ESRRA: variants seen among roughly 807,000 people sequenced by gnomAD.
ESRRA encodes the protein estrogen related receptor alpha, also known as steroid hormone receptor ERR1.
Under a neutral mutation model 35.6 loss-of-function variants are expected in ESRRA, and 7 were observed. That is an observed-to-expected ratio of 0.20 (90% CI 0.11 to 0.37). The LOEUF is 0.37. Among genes scored for constraint, ESRRA ranks in the 10% least tolerant of loss-of-function variants. The pLI is 1.00. For missense variants in ESRRA, 378 were observed against 561.7 expected (o/e 0.67, Z 3.31); for synonymous variants, 223 against 246.9 (o/e 0.90, Z 0.91).
chr11:64,308,510 G>A (rs1235739303), intron 2 of ESRRA, among the ~76,000 whole-genome samples: 13 of 117,024 alleles, frequency 1.1e-4, no homozygotes, highest in African/African-American at 4.3e-4. Flanking sequence ...GTGACAGAGC[G>A]AGATTCCATC....
At position 64,307,246 on chromosome 11, in the gene ESRRA, C is replaced by T. The variant is rs1299366203; in HGVS notation, c.67C>T (p.Pro23Ser). The T allele has an allele frequency of 1.2e-6, 2 of 1,613,380 alleles. No homozygotes were observed. The highest frequency in any genetic ancestry group is 2.2e-5 in the South Asian group (2 of 90,954). Residue 23 changes from proline to serine, a missense_variant, in exon 2 of 7, where the codon CCA becomes TCA. Transcript: ENST00000000442. ...GGCAGAGCCGGCCAGCCCTGACAGT[C>T]CAAAGGGTTCCTCGGAGACAGAGAC... Reference protein sequence around the residue: ...IKAEPASPDSPKGSSETETEP... With the variant: ...IKAEPASPDSSKGSSETETEP...
At position 64,305,733 on chromosome 11, in the gene ESRRA, C is replaced by G. The variant is rs1301801311; in HGVS notation, c.-16C>G. 1.3e-5 allele frequency: 2 copies of G among 149,386 alleles called. No homozygotes were observed. Among genetic ancestry groups the G allele is most frequent in the African/African-American group, 2.4e-5 (1 of 41,044 alleles). The allele number at this position is 149,386 out of a possible 1,614,324, so 9.3% of individuals were successfully genotyped here. A position where few individuals can be genotyped will look rare whatever the true frequency, so the allele number is the denominator to read the frequency against. On this transcript the variant is annotated 5_prime_UTR_variant, in exon 1 of 7. Coordinates refer to ENST00000000442, the MANE Select transcript of ESRRA (RefSeq NM_004451.5). This position sits in a 1 kb window ranked among gnomAD's most constrained non-coding sequence, Gnocchi z 5.8. ...CCTGCCCGACCGCGCTGCCGGAGCC[C>G]CAGGTCCGGGGGCGGAGGGGAGCGC... is the stretch of plus-strand genomic sequence containing the variant.
At chr11:64,312,724 A>T (rs1366052623) in intron 2 of ESRRA, among the ~76,000 whole-genome samples, 1 of 152,210 alleles carries the variant, frequency 6.6e-6, no homozygotes, top group African/African-American at 2.4e-5. Context: ...AAGAGAAACC[A>T]GAAGCAGGGC....
In ESRRA at chr11:64,307,572, G is replaced by C. The variant is rs41294386; in HGVS notation, c.325+68G>C. The C allele has an allele frequency of 9.7e-5, 119 of 1,226,292 alleles. 1 individual carries two copies. The East Asian group carries it at 3.2e-3, about 33-fold the overall frequency. The allele number at this position is 1,226,292 out of a possible 1,614,324, so 76.0% of individuals were successfully genotyped here. On this transcript the variant is annotated intron_variant, in intron 2 of 6. Coordinates refer to ENST00000000442, the MANE Select transcript of ESRRA (RefSeq NM_004451.5). ...CTGGGTACACTGCTGGGTGCAATAG[G>C]CCCCCTGATGGCTGTGGCACCGCTT...
In ESRRA at chr11:64,314,358, CG is replaced by C; in HGVS notation, c.564del (p.Lys189ArgfsTer6). ...AGPLAVAGGPRKTAAPVNALV... is the reference protein window; with the variant it reads ...AGPLAVAGGPXKTAAPVNALV... ...GCCCCTGGCAGTCGCTGGAGGCCCC[CG>C]GAAGACAGGTGAGAGCACTGTGGGT... On this transcript the variant is annotated frameshift_variant, in exon 4 of 7. Transcript: ENST00000000442. LOFTEE classifies it high-confidence loss of function. The C allele has an allele frequency of 6.3e-7, 1 of 1,580,410 alleles. No individual in the cohort carries two copies. Among genetic ancestry groups the C allele is most frequent in the Non-Finnish European group, 8.6e-7 (1 of 1,162,974 alleles).
chr11:64,316,653 C>A lies in ESRRA; in HGVS notation c.*687C>A. ...CCCAGAGCCCTTGGCTGTACAGAGA[C>A]TCTATTTTAATGTATATTTGCTGCA... On this transcript the variant is annotated 3_prime_UTR_variant, in exon 7 of 7. Coordinates refer to ENST00000000442, the MANE Select transcript of ESRRA (RefSeq NM_004451.5). 1.7e-6 allele frequency: 1 copy of A among 573,416 alleles called. No homozygotes were observed. Among genetic ancestry groups the A allele is most frequent in the Non-Finnish European group, 3.2e-6 (1 of 315,494 alleles). The allele number at this position is 573,416 out of a possible 1,614,324, so 35.5% of individuals were successfully genotyped here. A position where few individuals can be genotyped will look rare whatever the true frequency, so the allele number is the denominator to read the frequency against.
intron 4 of ESRRA, 135 bp downstream of exon 4, chr11:64,314,502 CT>C: frequency 1.7e-6 from 2 of 1,181,722 alleles, no homozygotes; most frequent in Non-Finnish European, 2.3e-6. Flanking sequence ...GTGAAACTGC[CT>C]TTTCCTGCAT....
chr11:64,315,634 C>A, intron 6 of ESRRA, 73 bp from the exon 7 acceptor site: 1 of 1,566,258 alleles, frequency 6.4e-7, no homozygotes. Flanking sequence ...CCCCATCCAG[C>A]AGTGCTCAAG....
intron 2 of ESRRA, among the ~76,000 whole-genome samples, chr11:64,308,260 A>G (rs2035072085): frequency 1.3e-5 from 2 of 152,166 alleles, no homozygotes; most frequent in South Asian, 4.1e-4. Flanking sequence ...CACACCTGTA[A>G]TCCCAGCACT....
intron 4 of ESRRA, 113 bp from the exon 5 acceptor site, chr11:64,314,628 C>T (rs878903153): frequency 2.7e-6 from 3 of 1,116,202 alleles, no homozygotes; most frequent in African/African-American, 3.1e-5. Context: ...AGGGAAGTCA[C>T]TGGACAGCTG....
Position 64,316,013 on chromosome 11 carries a change from T to C in ESRRA, c.*47T>C. 6 of 1,532,174 alleles carry C rather than the reference T, an allele frequency of 3.9e-6. No individual in the cohort carries two copies. In the South Asian group the frequency reaches 6.3e-5, roughly 16 times the overall value. The allele number at this position is 1,532,174 out of a possible 1,614,324, so 94.9% of individuals were successfully genotyped here. ...GGGTTCTGGCAGGACCTGCCTAGCA[T>C]GGGGTCAGCCCCAAGGGCTGGGGCG... On this transcript the variant is annotated 3_prime_UTR_variant, in exon 7 of 7. Transcript: ENST00000000442.
intron 6 of ESRRA, 65 bp downstream of exon 6, chr11:64,315,335 C>A: frequency 6.8e-7 from 1 of 1,477,630 alleles, no homozygotes. Flanking sequence ...AACTCAGTGA[C>A]GGTAGCACAG....
At position 64,313,909 on chromosome 11, in the gene ESRRA, G is replaced by A; in HGVS notation, c.326-42G>A. ...CTCCTGTCAGCTGGGTCCCCTCCCAGCCCCGGGAGGCCGCCACTGGAGCCC... is the reference window on the plus strand; with the variant it reads ...CTCCTGTCAGCTGGGTCCCCTCCCAACCCCGGGAGGCCGCCACTGGAGCCC... On this transcript the variant is annotated intron_variant, in intron 2 of 6. Transcript: ENST00000000442. This position sits in a 1 kb window ranked among gnomAD's most constrained non-coding sequence, Gnocchi z 4.0. The A allele has an allele frequency of 7.0e-7, 1 of 1,437,410 alleles. No individual in the cohort carries two copies. Among genetic ancestry groups the A allele is most frequent in the East Asian group, 2.5e-5 (1 of 40,166 alleles). 89.0% of individuals were successfully genotyped at this position (1,437,410 alleles called of 1,614,324 possible).
At position 64,307,100 on chromosome 11, in the gene ESRRA, G is replaced by T. The variant is rs913243387; in HGVS notation, c.-12-68G>T. On this transcript the variant is annotated intron_variant, in intron 1 of 6. Transcript: ENST00000000442. ...CCCTAGGCCCGAGGTTGGGCAACCC[G>T]TGTGGCAGGGTGTCTCCCATCCCCC... is the stretch of plus-strand genomic sequence containing the variant. 27 of 1,368,636 alleles carry T rather than the reference G, an allele frequency of 2.0e-5. No homozygotes were observed. The African/African-American group carries it at 3.2e-4, about 16-fold the overall frequency. The allele number at this position is 1,368,636 out of a possible 1,614,324, so 84.8% of individuals were successfully genotyped here.
At position 64,307,304 on chromosome 11, in the gene ESRRA, C is replaced by G; in HGVS notation, c.125C>G (p.Ala42Gly). ...CCTGTGGCCCTGGCCCCTGGTCCAG[C>G]TCCCACTCGCTGCCTCCCAGGCCAC... ...EPPVALAPGP[A>G]PTRCLPGHKE... The change falls in exon 2 of 7, where the codon GCT becomes GGT. Residue 42 changes from alanine (A) to glycine (G), a missense_variant. By Grantham distance (60) the Ala-to-Gly change is moderately conservative. This residue lies in a region of ESRRA where 87 missense variants were observed against 92.6 expected (regional missense o/e 0.94). Coordinates refer to ENST00000000442, the MANE Select transcript of ESRRA (RefSeq NM_004451.5). The G allele has an allele frequency of 6.2e-7, 1 of 1,613,234 alleles. No individual in the cohort carries two copies. The highest frequency in any genetic ancestry group is 8.5e-7 in the Non-Finnish European group (1 of 1,179,842).
chr11:64,315,321 G>A (rs773770641), intron 6 of ESRRA, 51 bp downstream of exon 6: 3 of 1,507,162 alleles, frequency 2.0e-6, no homozygotes, highest in Non-Finnish European at 2.7e-6. Flanking sequence ...AAGGTCTTCA[G>A]GTTAACTCAG....
In ESRRA at chr11:64,314,379, G is replaced by A. The variant is rs1194673775; in HGVS notation, c.571+12G>A. 1.3e-6 allele frequency: 2 copies of A among 1,552,506 alleles called. No individual in the cohort carries two copies. Among genetic ancestry groups the A allele is most frequent in the African/African-American group, 2.7e-5 (2 of 73,454 alleles). ...CCCCCGGAAGACAGGTGAGAGCACT[G>A]TGGGTACCTGGGGCTACGAAACCGG... On this transcript the variant is annotated intron_variant, in intron 4 of 6. Transcript: ENST00000000442.
At position 64,314,315 on chromosome 11, in the gene ESRRA, G is replaced by C. The variant is rs747413361; in HGVS notation, c.519G>C (p.Pro173=). The change falls in exon 4 of 7, where the codon CCG becomes CCC. Residue 173 remains proline (P), a synonymous_variant. Coordinates refer to ENST00000000442, the MANE Select transcript of ESRRA (RefSeq NM_004451.5). The stretch of plus-strand genomic sequence containing the variant: ...CGGAGGTGGACCCACTGCCCTTCCC[G>C]GGCCCCTTCCCTGCTGGGCCCCTGG... ...RRPEVDPLPF[P]GPFPAGPLAV... The C allele has an allele frequency of 1.2e-6, 2 of 1,607,910 alleles. No homozygotes were observed. The highest frequency in any genetic ancestry group is 1.7e-5 in the Admixed American group (1 of 59,254).
chr11:64,314,235 C>T lies in ESRRA; in HGVS notation c.443-4C>T. 1.2e-6 allele frequency: 2 copies of T among 1,607,792 alleles called. No individual in the cohort carries two copies. Among genetic ancestry groups the T allele is most frequent in the Non-Finnish European group, 1.7e-6 (2 of 1,177,806 alleles). On this transcript the variant is annotated splice_polypyrimidine_tract_variant and splice_region_variant and intron_variant, in intron 3 of 6. Coordinates refer to ENST00000000442, the MANE Select transcript of ESRRA (RefSeq NM_004451.5). ...TCACAGTCCTATCTGTCCCACAATTCAAGGAGTGCGCCTGGACCGCGTCCG... is the reference window on the plus strand; with the variant it reads ...TCACAGTCCTATCTGTCCCACAATTTAAGGAGTGCGCCTGGACCGCGTCCG...
Sources: gnomAD v4.1 joint callset for allele counts (sites outside exome capture counted in the v4.1 genomes callset) on GRCh38, gnomAD v4.1.1 for gene constraint, gnomAD v4.1.1 regional missense constraint, Gnocchi (gnomAD v3.1) non-coding constraint, MANE v1.5 for transcripts, NCBI Gene and HGNC (gene_info 2026-07-23, HGNC 2026-07-21) for gene names.